KIAA0586: variants seen among roughly 807,000 people sequenced by gnomAD.
KIAA0586 encodes the protein protein TALPID3.
KIAA0586 carries 144 observed loss-of-function variants against 169.8 expected under a neutral mutation model. The observed-to-expected ratio is 0.85, with a 90% CI of 0.74 to 0.97. The LOEUF is 0.97. KIAA0586 is among the 50% of genes least tolerant of loss of function. KIAA0586 has a pLI of 0.00. For missense variants in KIAA0586, 1,854 were observed against 1,823.0 expected, an observed-to-expected ratio of 1.02 and a Z score of -0.31; for synonymous variants, 625 against 612.4, an observed-to-expected ratio of 1.02 and a Z score of -0.30.
chr14:58,525,318 A>G (rs148924003), intron 29 of KIAA0586, among the ~76,000 whole-genome samples: 45 of 152,108 alleles, frequency 3.0e-4, no homozygotes, highest in East Asian at 1.7e-3. Context: ...AGCGAGATCA[A>G]TGCAGAAGGT....
At position 58,506,029 on chromosome 14, in the gene KIAA0586, C is replaced by T. The variant is rs150834864; in HGVS notation, c.4169-2526C>T. Among the ~76,000 whole-genome samples, 70 of 152,196 alleles carry T rather than the reference C, an allele frequency of 4.6e-4. No homozygotes were observed. The East Asian group carries it at 0.011, about 23-fold the overall frequency. ...CTGTTATCCAGTCACATTACCAATT[C>T]TCTTATTAGTTCTAATAGAGTTCTT... On this transcript the variant is annotated intron_variant, in intron 27 of 30. Coordinates refer to ENST00000652326, the MANE Select transcript of KIAA0586 (RefSeq NM_001329943.3).
At chr14:58,470,933 C>T (rs1263086422) in intron 17 of KIAA0586, among the ~76,000 whole-genome samples, 1 of 151,978 alleles carries the variant, frequency 6.6e-6, no homozygotes, top group Non-Finnish European at 1.5e-5. Flanking sequence ...CTCACTGCAA[C>T]CTCCGCCTCC....
chr14:58,440,368 G>A (rs896321148), intron 4 of KIAA0586, among the ~76,000 whole-genome samples: 2 of 151,302 alleles, frequency 1.3e-5, no homozygotes, highest in Admixed American at 6.6e-5. Flanking sequence ...TTTCGCTCTT[G>A]TCGCCCAGGC....
At position 58,548,036 on chromosome 14, in the gene KIAA0586, G is replaced by GA. The variant is rs749403796; in HGVS notation, c.*113dup. 2.9e-3 allele frequency: 3,741 copies of GA among 1,282,196 alleles called. 2 individuals carry two copies. The highest frequency in any genetic ancestry group is 3.4e-3 in the Non-Finnish European group (3,281 of 956,640). 79.4% of individuals were successfully genotyped at this position (1,282,196 alleles called of 1,614,324 possible). A position where few individuals can be genotyped will look rare whatever the true frequency, so the allele number is the denominator to read the frequency against. Reference sequence around the variant, plus strand: ...ACTGTTTGGTTTTTGAGCATATTCTGAAAAAAAAATTCCAATATTTTAAAA... The same window carrying GA: ...ACTGTTTGGTTTTTGAGCATATTCTGAAAAAAAAAATTCCAATATTTTAAAA... On this transcript the variant is annotated 3_prime_UTR_variant, in exon 31 of 31. Transcript: ENST00000652326.
At position 58,492,206 on chromosome 14, in the gene KIAA0586, T is replaced by C. The variant is rs1232218191; in HGVS notation, c.3921T>C (p.Asp1307=). The C allele has an allele frequency of 2.6e-6, 4 of 1,550,674 alleles. No homozygotes were observed. The highest frequency in any genetic ancestry group is 3.5e-6 in the Non-Finnish European group (4 of 1,146,354). ...TGTCCCATAAAAAATTTCATGCAGA[T>C]GCAATTCTTTCTTTTGCTAAACAAA... ...IRMSHKKFHA[D]AILSFAKQNQ... Residue 1307 remains aspartate, a synonymous_variant, in exon 26 of 31, where the codon GAT becomes GAC. Transcript: ENST00000652326.
In KIAA0586 at chr14:58,456,674, G is replaced by A. The variant is rs976983928; in HGVS notation, c.1254-28G>A. The A allele has an allele frequency of 7.8e-6, 10 of 1,287,364 alleles. No homozygotes were observed. In the Admixed American group the frequency reaches 2.1e-4, roughly 27 times the overall value. The allele number at this position is 1,287,364 out of a possible 1,614,324, so 79.7% of individuals were successfully genotyped here. The stretch of plus-strand genomic sequence containing the variant: ...TAGGAAACTTTTTCAAAAATCTTCT[G>A]TAGCGTTGAAACTCTACCTTCTCAA... On this transcript the variant is annotated intron_variant, in intron 9 of 30. Coordinates refer to ENST00000652326, the MANE Select transcript of KIAA0586 (RefSeq NM_001329943.3).
intron 30 of KIAA0586, among the ~76,000 whole-genome samples, chr14:58,543,393 G>A (rs1329990909): frequency 6.6e-6 from 1 of 152,180 alleles, no homozygotes; most frequent in Non-Finnish European, 1.5e-5. Context: ...TTTCTTCACT[G>A]CTGTATTCTC....
chr14:58,527,756 C>T (rs1310215944), intron 29 of KIAA0586, among the ~76,000 whole-genome samples: 1 of 152,180 alleles, frequency 6.6e-6, no homozygotes, highest in African/African-American at 2.4e-5. Context: ...AAAAACATAG[C>T]AAATTGTAAA....
chr14:58,438,289 T>G (rs551217399), intron 4 of KIAA0586, among the ~76,000 whole-genome samples: 28 of 152,284 alleles, frequency 1.8e-4, no homozygotes, highest in African/African-American at 6.5e-4. Flanking sequence ...AAAATAAAAT[T>G]TAAAAGCCTA....
Position 58,477,254 on chromosome 14 carries a change from G to GA in KIAA0586, c.2944+15dup. The GA allele has an allele frequency of 1.4e-6, 2 of 1,394,128 alleles. No homozygotes were observed. The highest frequency in any genetic ancestry group is 2.0e-6 in the Non-Finnish European group (2 of 1,007,310). 86.4% of individuals were successfully genotyped at this position (1,394,128 alleles called of 1,614,324 possible). A position where few individuals can be genotyped will look rare whatever the true frequency, so the allele number is the denominator to read the frequency against. ...ACTTCTGACATTGGTAAGTGAAATA[G>GA]AATTTTTTTTTGTTTTTATTAAAAG... On this transcript the variant is annotated intron_variant, in intron 20 of 30. Transcript: ENST00000652326.
chr14:58,494,901 G>T (rs1332053048), intron 26 of KIAA0586, among the ~76,000 whole-genome samples: 2 of 152,064 alleles, frequency 1.3e-5, no homozygotes, highest in East Asian at 3.9e-4. Flanking sequence ...TATGGTTGAG[G>T]GGCAAGCAGT....
At chr14:58,497,899 A>G (rs2043273735) in intron 26 of KIAA0586, among the ~76,000 whole-genome samples, 1 of 123,666 alleles carries the variant, frequency 8.1e-6, no homozygotes, top group Non-Finnish European at 1.6e-5. Context: ...TTTTTTTGAG[A>G]CAGAGTCTCG....
intron 29 of KIAA0586, among the ~76,000 whole-genome samples, chr14:58,539,004 T>G (rs917757658): frequency 4.6e-5 from 7 of 152,162 alleles, no homozygotes; most frequent in Non-Finnish European, 1.0e-4. Context: ...GGTCTTGAAC[T>G]CCTAAGCTCA....
At chr14:58,533,910 G>C (rs773301978) in intron 29 of KIAA0586, among the ~76,000 whole-genome samples, 9 of 152,058 alleles carry the variant, frequency 5.9e-5, no homozygotes, top group Non-Finnish European at 8.8e-5. Flanking sequence ...TTATTTTCTA[G>C]TGGCTTCCTG....
intron 26 of KIAA0586, among the ~76,000 whole-genome samples, chr14:58,493,828 G>A (rs1194934133): frequency 6.6e-6 from 1 of 152,088 alleles, no homozygotes; most frequent in African/African-American, 2.4e-5. Flanking sequence ...CTGAGAGAGA[G>A]AAAGGAGGGA....
intron 29 of KIAA0586, among the ~76,000 whole-genome samples, chr14:58,534,056 C>T (rs2046142398): frequency 1.3e-5 from 2 of 152,132 alleles, no homozygotes; most frequent in African/African-American, 4.8e-5. Context: ...GATGTCAAAA[C>T]CCACTGTCAA....
rs541006345 is a variant in KIAA0586 at position 58,461,120 on chromosome 14, G to A, written c.2019G>A (p.Lys673=). Residue 673 remains lysine, a synonymous_variant, in exon 14 of 31, where the codon AAG becomes AAA. Transcript: ENST00000652326. The part of the protein sequence containing the change: ...PYLRFNSPSP[K]SRPQRPKVIE... ...TCAGATTTAATTCTCCATCTCCTAA[G>A]TCCAGACCACAGAGACCAAAAGTAA... 1.2e-6 allele frequency: 2 copies of A among 1,606,894 alleles called. No individual in the cohort carries two copies. Among genetic ancestry groups the A allele is most frequent in the South Asian group, 2.2e-5 (2 of 89,812 alleles).
At chr14:58,443,111 A>G (rs528779115) in intron 5 of KIAA0586, among the ~76,000 whole-genome samples, 1 of 152,338 alleles carries the variant, frequency 6.6e-6, no homozygotes, top group Non-Finnish European at 1.5e-5. Flanking sequence ...CAGTTTTAGC[A>G]CTGAGAGTCC....
rs1244500964 is a variant in KIAA0586 at position 58,550,772 on chromosome 14, T to C, written c.*2840T>C. 1.3e-5 allele frequency: 2 copies of C among 149,692 alleles called. No homozygotes were observed. The highest frequency in any genetic ancestry group is 2.9e-5 in the Non-Finnish European group (2 of 67,850). 9.3% of individuals were successfully genotyped at this position (149,692 alleles called of 1,614,324 possible). ...TCGCTTGAGCCCAGGATGTCAAGAC[T>C]GCAGTGAGCCGTGGTTGTGCCACTG... is the stretch of plus-strand genomic sequence containing the variant. On this transcript the variant is annotated 3_prime_UTR_variant, in exon 31 of 31. Coordinates refer to ENST00000652326, the MANE Select transcript of KIAA0586 (RefSeq NM_001329943.3).
Sources: allele counts gnomAD v4.1 joint callset (sites outside exome capture counted in the v4.1 genomes callset), GRCh38; gene constraint gnomAD v4.1.1; transcripts MANE v1.5; gene names NCBI Gene and HGNC (gene_info 2026-07-23, HGNC 2026-07-21).